The following ARMH3 variants were observed in gnomAD, a reference collection of about 807,000 sequenced individuals.
The protein encoded by ARMH3 is armadillo-like helical domain-containing protein 3.
A neutral mutation model predicts 99.1 loss-of-function variants in ARMH3; 60 were observed. The ratio of observed to expected loss-of-function variants is 0.61; its 90% confidence interval spans 0.49 to 0.75. The LOEUF is 0.75. ARMH3 is among the 30% of genes least tolerant of loss of function. The probability of loss-of-function intolerance (pLI) is 0.00; values close to 1 mark genes in which losing one functional copy is unlikely to be tolerated. For synonymous variants in ARMH3, 285 were observed against 292.8 expected, an observed-to-expected ratio of 0.97 and a Z score of 0.27; for missense variants, 679 against 843.1, an observed-to-expected ratio of 0.81 and a Z score of 2.41.
intron 23 of ARMH3, among the ~76,000 whole-genome samples, chr10:101,890,761 G>A (rs748096536): frequency 6.6e-6 from 1 of 152,044 alleles, no homozygotes; most frequent in African/African-American, 2.4e-5. Context: ...GTGATATCAT[G>A]TAGATACCAT....
intron 1 of ARMH3, among the ~76,000 whole-genome samples, chr10:102,055,088 G>A (rs1237164179): frequency 2.0e-5 from 3 of 151,242 alleles, no homozygotes; most frequent in South Asian, 2.1e-4. Flanking sequence ...TTGGGAGGCC[G>A]AGGCGGGCGG....
intron 2 of ARMH3, 80 bp from the exon 3 acceptor site, chr10:102,033,419 G>T: frequency 1.6e-5 from 22 of 1,360,094 alleles, no homozygotes; most frequent in Admixed American, 2.3e-5. Context: ...GTCAACCTTA[G>T]TTTTCTTTTT....
chr10:101,993,437 T>C, intron 17 of ARMH3, 101 bp downstream of exon 17: 1 of 853,652 alleles, frequency 1.2e-6, no homozygotes, highest in South Asian at 1.9e-5. Flanking sequence ...TGGCACAACT[T>C]TCCACCCACA....
At chr10:101,879,461 T>C (rs1053915016) in intron 24 of ARMH3, among the ~76,000 whole-genome samples, 5 of 152,070 alleles carry the variant, frequency 3.3e-5, no homozygotes, top group Non-Finnish European at 7.4e-5. Flanking sequence ...GAGATTCTCC[T>C]GTCTCAGCCT....
At chr10:101,885,530 A>G (rs929630342) in intron 24 of ARMH3, among the ~76,000 whole-genome samples, 1 of 152,218 alleles carries the variant, frequency 6.6e-6, no homozygotes, top group Non-Finnish European at 1.5e-5. Context: ...GCTTGTCACA[A>G]AAGTCCAAAT....
chr10:101,873,774 T>G (rs139203340), intron 24 of ARMH3, among the ~76,000 whole-genome samples: 24 of 152,320 alleles, frequency 1.6e-4, no homozygotes, highest in African/African-American at 5.1e-4. Flanking sequence ...CTTATCATAA[T>G]GTTTTTGAGA....
Position 101,996,547 on chromosome 10 carries a change from A to C in ARMH3, c.1151-1192T>G, listed in dbSNP as rs1477885973. ...AAAGAGTAATGCCCTTGCCTCCAGA[A>C]AACTAGATTCACAACTCTTCTACCC... On this transcript the variant is annotated intron_variant, in intron 15 of 25. Coordinates refer to ENST00000370033, the MANE Select transcript of ARMH3 (RefSeq NM_024541.3). Among the ~76,000 whole-genome samples the C allele has an allele frequency of 2.0e-5, 3 of 152,162 alleles. No individual in the cohort carries two copies. The East Asian group carries it at 5.8e-4, about 29-fold the overall frequency.
intron 19 of ARMH3, among the ~76,000 whole-genome samples, chr10:101,985,249 T>TACAC (rs1846436867): frequency 6.7e-6 from 1 of 149,094 alleles, no homozygotes; most frequent in African/African-American, 2.5e-5. Flanking sequence ...TATATACGTG[T>TACAC]GTATATATAT....
At chr10:102,031,774 C>A (rs959708653) in intron 4 of ARMH3, among the ~76,000 whole-genome samples, 11 of 152,090 alleles carry the variant, frequency 7.2e-5, no homozygotes, top group Non-Finnish European at 1.6e-4. Flanking sequence ...GAGTCTCGCT[C>A]TGTCGCCCAG....
intron 19 of ARMH3, among the ~76,000 whole-genome samples, chr10:101,982,822 A>C (rs1230347752): frequency 2.0e-5 from 3 of 152,074 alleles, no homozygotes; most frequent in African/African-American, 7.2e-5. Flanking sequence ...CAGGAAAACA[A>C]GCTTAAGGCT....
At chr10:101,981,159 G>A (rs1003837472) in intron 19 of ARMH3, among the ~76,000 whole-genome samples, 1 of 151,014 alleles carries the variant, frequency 6.6e-6, no homozygotes, top group African/African-American at 2.4e-5. Flanking sequence ...ACATGTAATC[G>A]TTTTTTTGTT....
At chr10:101,857,529 G>A (rs993374096) in intron 24 of ARMH3, among the ~76,000 whole-genome samples, 3 of 152,186 alleles carry the variant, frequency 2.0e-5, no homozygotes, top group East Asian at 1.9e-4. Context: ...GAAGGTCCAA[G>A]CAGCTTCAGG....
chr10:101,895,118 G>C (rs913366087), intron 23 of ARMH3, among the ~76,000 whole-genome samples: 2 of 152,012 alleles, frequency 1.3e-5, no homozygotes, highest in African/African-American at 4.8e-5. Context: ...AGGTGGCAAG[G>C]CAATTAAATA....
intron 24 of ARMH3, among the ~76,000 whole-genome samples, chr10:101,867,818 T>G (rs1188175346): frequency 6.7e-6 from 1 of 150,184 alleles, no homozygotes; most frequent in Non-Finnish European, 1.5e-5. Flanking sequence ...TATGACAGAG[T>G]GAGACCCCAT....
At chr10:101,847,767 CCTGCAGGCAAATGAG>C (rs2066496477) in intron 25 of ARMH3, 147 bp from the exon 26 acceptor site, 2 of 704,830 alleles carry the variant, frequency 2.8e-6, no homozygotes, top group Non-Finnish European at 5.0e-6. Context: ...AGCTATTATC[CCTGCAGGCAAATGAG>C]CAAACAGTTC....
intron 22 of ARMH3, among the ~76,000 whole-genome samples, chr10:101,944,583 G>C (rs1590062827): frequency 6.6e-6 from 1 of 152,092 alleles, no homozygotes; most frequent in African/African-American, 2.4e-5. Flanking sequence ...GGAGGCTGAG[G>C]CGGGTGGATC....
intron 24 of ARMH3, among the ~76,000 whole-genome samples, chr10:101,877,603 C>T (rs1033550995): frequency 6.6e-6 from 1 of 151,996 alleles, no homozygotes; most frequent in Admixed American, 6.6e-5. Context: ...TTGCAGTGAG[C>T]TGTGATTGTG....
At chr10:101,997,034 G>A (rs1847091556) in intron 15 of ARMH3, among the ~76,000 whole-genome samples, 1 of 152,158 alleles carries the variant, frequency 6.6e-6, no homozygotes. Flanking sequence ...GGAGGCTGAG[G>A]TGGGATGATC....
chr10:102,013,920 C>T (rs2066684800), intron 9 of ARMH3, 48 bp downstream of exon 9: 2 of 1,444,598 alleles, frequency 1.4e-6, no homozygotes, highest in South Asian at 1.2e-5. Context: ...AAAGTAATAC[C>T]ATTGAATGCA....
Sources: gnomAD v4.1 joint callset for allele counts (sites outside exome capture counted in the v4.1 genomes callset) on GRCh38, gnomAD v4.1.1 for gene constraint, MANE v1.5 for transcripts, NCBI Gene and HGNC (gene_info 2026-07-23, HGNC 2026-07-21) for gene names.